The following DGKB variants were observed in gnomAD, a reference collection of about 807,000 sequenced individuals.
DGKB encodes the protein diacylglycerol kinase beta.
A neutral mutation model predicts 114.3 loss-of-function variants in DGKB; 67 were observed. That is an observed-to-expected ratio of 0.59 (90% confidence interval 0.48 to 0.72). The LOEUF is 0.72. DGKB is among the 30% of genes least tolerant of loss of function. The pLI, the probability that DGKB is intolerant of heterozygous loss-of-function variation, is 0.00. For synonymous variants in DGKB, 398 were observed against 323.1 expected (o/e 1.23, Z -2.49); for missense variants, 907 against 975.2 (o/e 0.93, Z 0.93).
At chr7:14,851,560 C>T (rs1195681151) in intron 1 of DGKB, among the ~76,000 whole-genome samples, 1 of 152,166 alleles carries the variant, frequency 6.6e-6, no homozygotes, top group African/African-American at 2.4e-5. Flanking sequence ...TTTCATCTCA[C>T]ATGGTCTTCA....
intron 13 of DGKB, among the ~76,000 whole-genome samples, chr7:14,653,061 T>A (rs547854744): frequency 6.6e-6 from 1 of 151,236 alleles, no homozygotes; most frequent in African/African-American, 2.4e-5. Flanking sequence ...TTGGTGGGAC[T>A]GTAAACTAGT....
intron 12 of DGKB, among the ~76,000 whole-genome samples, chr7:14,673,928 C>T (rs1048800212): frequency 4.0e-5 from 6 of 151,878 alleles, no homozygotes; most frequent in African/African-American, 1.5e-4. Context: ...CAAAAAAGAG[C>T]CACATTATTT....
At chr7:14,746,302 C>T (rs1377607991) in intron 4 of DGKB, among the ~76,000 whole-genome samples, 7 of 152,126 alleles carry the variant, frequency 4.6e-5, no homozygotes, top group Non-Finnish European at 1.0e-4. Context: ...CCACTGCACT[C>T]TAGCCTGGGT....
At chr7:14,149,511 A>C (rs1781868939) in intron 25 of DGKB, among the ~76,000 whole-genome samples, 2 of 152,132 alleles carry the variant, frequency 1.3e-5, no homozygotes, top group Admixed American at 1.3e-4. Flanking sequence ...CTCTAACCTC[A>C]CTTGTAGCAA....
At chr7:14,908,224 T>A (rs2128242446), upstream of DGKB, among the ~76,000 whole-genome samples, 1 of 152,314 alleles carries the variant, frequency 6.6e-6, no homozygotes, top group South Asian at 2.1e-4. Context: ...TATTTTATTT[T>A]TTTGAGAAAC....
At chr7:14,353,872 C>T (rs1813957258) in intron 21 of DGKB, among the ~76,000 whole-genome samples, 1 of 152,086 alleles carries the variant, frequency 6.6e-6, no homozygotes, top group Admixed American at 6.6e-5. Context: ...ATATGCTTTC[C>T]TCATCTGACT....
chr7:14,227,643 A>C (rs1024073693), intron 23 of DGKB, among the ~76,000 whole-genome samples: 1 of 152,024 alleles, frequency 6.6e-6, no homozygotes, highest in Non-Finnish European at 1.5e-5. Flanking sequence ...AATCTTGTTT[A>C]TTGGCCTAGT....
At chr7:14,957,084 G>T (rs1786548704) in intron 1 of DGKB, among the ~76,000 whole-genome samples, 1 of 151,898 alleles carries the variant, frequency 6.6e-6, no homozygotes, top group African/African-American at 2.4e-5. Flanking sequence ...TAGTTTCATG[G>T]TTGAAAATTT....
chr7:14,162,199 G>GCC (rs1784000142), intron 25 of DGKB, among the ~76,000 whole-genome samples: 1 of 152,156 alleles, frequency 6.6e-6, no homozygotes, highest in Non-Finnish European at 1.5e-5. Flanking sequence ...GGATAGTCAG[G>GCC]CCCAGACCTT....
Position 14,147,106 on chromosome 7 carries a change from C to G in DGKB, c.*2025G>C, listed in dbSNP as rs1781557166. 6.6e-6 allele frequency: 1 copy of G among 152,092 alleles called. No individual in the cohort carries two copies. The highest frequency in any genetic ancestry group is 1.5e-5 in the Non-Finnish European group (1 of 67,994). 9.4% of individuals were successfully genotyped at this position (152,092 alleles called of 1,614,324 possible). The stretch of plus-strand genomic sequence containing the variant: ...CAATTCATGTGAAAATATTTATTAC[C>G]TGCAACCATAGATACAAAAAATCAA... On this transcript the variant is annotated 3_prime_UTR_variant, in exon 26 of 26. Coordinates refer to ENST00000402815, the MANE Select transcript of DGKB (RefSeq NM_001350709.2).
chr7:14,865,175 G>T (rs7783245), intron 1 of DGKB, among the ~76,000 whole-genome samples: 33,814 of 151,982 alleles, frequency 0.22, 4,121 homozygotes, highest in African/African-American at 0.31. Flanking sequence ...CTTGTGTTAG[G>T]GTTAAGAAAA....
chr7:14,268,319 C>T (rs867146463), intron 23 of DGKB, among the ~76,000 whole-genome samples: 21 of 152,070 alleles, frequency 1.4e-4, no homozygotes, highest in Admixed American at 1.2e-3. Context: ...ATTCACCCAC[C>T]ACCCACAGGC....
intron 1 of DGKB, among the ~76,000 whole-genome samples, chr7:14,932,761 A>C (rs971348434): frequency 6.6e-6 from 1 of 152,196 alleles, no homozygotes; most frequent in Admixed American, 6.5e-5. Flanking sequence ...CCAAAGTATC[A>C]TAAGGGTCAC....
intron 1 of DGKB, among the ~76,000 whole-genome samples, chr7:14,859,078 G>C (rs1340846430): frequency 6.6e-6 from 1 of 152,092 alleles, no homozygotes; most frequent in Non-Finnish European, 1.5e-5. Context: ...AGTCTGACCT[G>C]GGATTATGTG....
intron 23 of DGKB, among the ~76,000 whole-genome samples, chr7:14,286,097 T>C (rs1800823367): frequency 6.6e-6 from 1 of 152,130 alleles, no homozygotes; most frequent in Non-Finnish European, 1.5e-5. Flanking sequence ...TCATTATTTA[T>C]AATTAATGCC....
Position 14,345,435 on chromosome 7 carries a change from C to T in DGKB, c.1836-44G>A, listed in dbSNP as rs1013732818. The T allele has an allele frequency of 7.8e-6, 8 of 1,019,870 alleles. No homozygotes were observed. The Middle Eastern group carries it at 6.4e-4, about 81-fold the overall frequency. 63.2% of individuals were successfully genotyped at this position (1,019,870 alleles called of 1,614,324 possible). On this transcript the variant is annotated intron_variant, in intron 21 of 25. Coordinates refer to ENST00000402815, the MANE Select transcript of DGKB (RefSeq NM_001350709.2). The stretch of plus-strand genomic sequence containing the variant: ...AAGCACCTTAGGCAATTATCAATAA[C>T]AGAGGGATCTTTTAAAAAATGGTCT...
At chr7:14,889,690 A>G (rs1206592733) in intron 1 of DGKB, among the ~76,000 whole-genome samples, 1 of 151,640 alleles carries the variant, frequency 6.6e-6, no homozygotes, top group Non-Finnish European at 1.5e-5. Flanking sequence ...TTTATATTCA[A>G]TCTCTAAGCA....
At position 14,148,037 on chromosome 7, in the gene DGKB, C is replaced by A. The variant is rs1213798204; in HGVS notation, c.*1094G>T. ...TATACTAGAAATAAACTGATACAATCATTTACTTCCTTCAAGTGTACTTAA... is the reference window on the plus strand; with the variant it reads ...TATACTAGAAATAAACTGATACAATAATTTACTTCCTTCAAGTGTACTTAA... On this transcript the variant is annotated 3_prime_UTR_variant, in exon 26 of 26. Coordinates refer to ENST00000402815, the MANE Select transcript of DGKB (RefSeq NM_001350709.2). 6.6e-6 allele frequency: 1 copy of A among 152,064 alleles called. No homozygotes were observed. Among genetic ancestry groups the A allele is most frequent in the African/African-American group, 2.4e-5 (1 of 41,426 alleles). 9.4% of individuals were successfully genotyped at this position (152,064 alleles called of 1,614,324 possible). A position where few individuals can be genotyped will look rare whatever the true frequency, so the allele number is the denominator to read the frequency against.
chr7:14,351,043 AAC>A (rs1047518694), intron 21 of DGKB, among the ~76,000 whole-genome samples: 5 of 143,546 alleles, frequency 3.5e-5, no homozygotes, highest in African/African-American at 7.9e-5. Context: ...TTAATACTAA[AAC>A]AGTCTCATAA....
Sources: allele counts gnomAD v4.1 joint callset (sites outside exome capture counted in the v4.1 genomes callset), GRCh38; gene constraint gnomAD v4.1.1; transcripts MANE v1.5; gene names NCBI Gene and HGNC (gene_info 2026-07-23, HGNC 2026-07-21).